Variants in CDH4 observed in about 807,000 individuals in gnomAD.
The protein encoded by CDH4 is cadherin-4.
CDH4 carries 33 observed loss-of-function variants against 86.0 expected under a neutral mutation model. That is an observed-to-expected ratio of 0.38 (90% CI 0.29 to 0.51). The LOEUF (loss-of-function observed/expected upper bound fraction) is 0.51, where lower values mean the gene tolerates loss of function less well. CDH4 is among the 20% of genes least tolerant of loss of function. CDH4 has a pLI of 0.86. For synonymous variants in CDH4, 555 were observed against 549.4 expected (o/e 1.01, Z -0.14); for missense variants, 1,114 against 1,307.4 (o/e 0.85, Z 2.28).
intron 2 of CDH4, among the ~76,000 whole-genome samples, chr20:61,612,603 A>G (rs1325683096): frequency 6.6e-6 from 1 of 152,114 alleles, no homozygotes; most frequent in Non-Finnish European, 1.5e-5. Flanking sequence ...TGTTAAGACC[A>G]TCCTTCCTGC....
intron 2 of CDH4, among the ~76,000 whole-genome samples, chr20:61,505,744 C>T (rs1241498224): frequency 6.6e-6 from 1 of 151,530 alleles, no homozygotes; most frequent in African/African-American, 2.4e-5. Context: ...AGAATTGGCA[C>T]ATGAGAGTCT....
intron 2 of CDH4, among the ~76,000 whole-genome samples, chr20:61,645,908 G>A (rs1174136102): frequency 1.3e-5 from 2 of 152,184 alleles, no homozygotes; most frequent in African/African-American, 4.8e-5. Flanking sequence ...TAAGGTGGAG[G>A]GAAAGATAGC....
At chr20:61,288,985 T>A (rs1037715467) in intron 2 of CDH4, among the ~76,000 whole-genome samples, 10 of 152,174 alleles carry the variant, frequency 6.6e-5, no homozygotes, top group African/African-American at 2.2e-4. Context: ...AAAAAAATGT[T>A]TTTAAGCTAG....
intron 6 of CDH4, among the ~76,000 whole-genome samples, chr20:61,870,201 G>A (rs555651731): frequency 2.4e-4 from 37 of 152,296 alleles, no homozygotes; most frequent in Admixed American, 1.3e-3. Context: ...CTGCTCCACC[G>A]CTGTCCGATG....
At chr20:61,418,978 G>T (rs895744444) in intron 2 of CDH4, among the ~76,000 whole-genome samples, 2 of 152,152 alleles carry the variant, frequency 1.3e-5, no homozygotes, top group African/African-American at 4.8e-5. Context: ...GACTTCTCTT[G>T]TCATTGGATT....
At chr20:61,565,204 C>CGCGGTGCTCTTGGTGGTGGTG (rs2086266866) in intron 2 of CDH4, among the ~76,000 whole-genome samples, 1 of 50,284 alleles carries the variant, frequency 2.0e-5, no homozygotes, top group Non-Finnish European at 3.6e-5. Flanking sequence ...TGGTGGTGGT[C>CGCGGTGCTCTTGGTGGTGGTG]GCGGTGCTCT....
At chr20:61,806,198 C>T (rs1366562282) in intron 4 of CDH4, among the ~76,000 whole-genome samples, 1 of 152,250 alleles carries the variant, frequency 6.6e-6, no homozygotes, top group African/African-American at 2.4e-5. Context: ...CAAAAGGACC[C>T]TTGCGTCTTC....
At position 61,565,224 on chromosome 20, in the gene CDH4, G is replaced by GGTGA. The variant is rs1568688507; in HGVS notation, c.170-178339_170-178338insGTGA. On this transcript the variant is annotated intron_variant, in intron 2 of 15. Coordinates refer to ENST00000614565, the MANE Select transcript of CDH4 (RefSeq NM_001794.5). ...GTGGTCGCGGTGCTCTCGGTGGTAG[G>GGTGA]TGGTGGTGGTGGTGGTGGCGGTGCT... Among the ~76,000 whole-genome samples the GGTGA allele has an allele frequency of 1.4e-4, 6 of 44,338 alleles. 1 individual carries two copies. The highest frequency in any genetic ancestry group is 2.4e-4 in the Non-Finnish European group (5 of 20,484). 29.1% of individuals were successfully genotyped at this position (44,338 alleles called of 152,430 possible).
intron 2 of CDH4, among the ~76,000 whole-genome samples, chr20:61,276,155 G>A (rs188803572): frequency 2.0e-5 from 3 of 152,308 alleles, no homozygotes; most frequent in Admixed American, 6.5e-5. Context: ...AAAACTCACA[G>A]TGCCTGTCTT....
intron 2 of CDH4, among the ~76,000 whole-genome samples, chr20:61,737,257 GC>G (rs1324878975): frequency 6.6e-6 from 1 of 152,112 alleles, no homozygotes; most frequent in African/African-American, 2.4e-5. Flanking sequence ...GAAAACATGG[GC>G]TTTAAAATTA....
chr20:61,829,715 C>T lies in CDH4; in HGVS notation c.577-14953C>T, dbSNP rs1049184493. Among the ~76,000 whole-genome samples, 8 of 152,194 alleles carry T rather than the reference C, an allele frequency of 5.3e-5. No individual in the cohort carries two copies. Among genetic ancestry groups the T allele is most frequent in the Admixed American group, 6.5e-5 (1 of 15,286 alleles). On this transcript the variant is annotated intron_variant, in intron 4 of 15. Transcript: ENST00000614565. The surrounding 1 kb of genome is among the most constrained non-coding windows in gnomAD (Gnocchi z 4.2). ...CCCCAGGAGGCTCCCTCTGTGCCGA[C>T]GCCCGTGGGCTGCAGACGGGTGGGT... is the stretch of plus-strand genomic sequence containing the variant.
At chr20:61,600,180 C>T (rs139350579) in intron 2 of CDH4, among the ~76,000 whole-genome samples, 2 of 152,372 alleles carry the variant, frequency 1.3e-5, no homozygotes, top group East Asian at 1.9e-4. Flanking sequence ...GGCGGTGAGG[C>T]CGCTGCTGCA....
chr20:61,476,387 A>C (rs1262502979), intron 2 of CDH4, among the ~76,000 whole-genome samples: 1 of 152,164 alleles, frequency 6.6e-6, no homozygotes, highest in African/African-American at 2.4e-5. Flanking sequence ...GTGTGTGTGC[A>C]CGTGTGTGTG....
intron 2 of CDH4, among the ~76,000 whole-genome samples, chr20:61,616,126 C>T (rs891963850): frequency 4.6e-5 from 7 of 152,224 alleles, no homozygotes; most frequent in African/African-American, 1.7e-4. Flanking sequence ...ATCAGAAGCT[C>T]AGGGGCACAG....
intron 2 of CDH4, among the ~76,000 whole-genome samples, chr20:61,388,255 C>T (rs1278679247): frequency 2.8e-5 from 4 of 143,870 alleles, no homozygotes; most frequent in Non-Finnish European, 6.1e-5. Context: ...GAAGCTTGAG[C>T]TGTCGGAGTG....
At position 61,714,047 on chromosome 20, in the gene CDH4, T is replaced by TG. The variant is rs2087924430; in HGVS notation, c.170-29516_170-29515insG. On this transcript the variant is annotated intron_variant, in intron 2 of 15. Transcript: ENST00000614565. ...TTTTATTTTATTTTATTTTATTTTA[T>TG]TTTATTTTATTTTATTTGAGATGGA... Among the ~76,000 whole-genome samples, 3 of 149,916 alleles carry TG rather than the reference T, an allele frequency of 2.0e-5. No homozygotes were observed. The Admixed American group carries it at 2.0e-4, about 10-fold the overall frequency.
At chr20:61,402,186 A>G (rs2085053276) in intron 2 of CDH4, among the ~76,000 whole-genome samples, 1 of 152,216 alleles carries the variant, frequency 6.6e-6, no homozygotes, top group African/African-American at 2.4e-5. Flanking sequence ...TCCCCAGGAT[A>G]CCAAAATCCA....
intron 2 of CDH4, among the ~76,000 whole-genome samples, chr20:61,256,613 T>TG (rs1435959731): frequency 6.6e-6 from 1 of 152,168 alleles, no homozygotes; most frequent in Non-Finnish European, 1.5e-5. Context: ...GTTCGCCTCG[T>TG]GGGGGGCCAA....
intron 4 of CDH4, among the ~76,000 whole-genome samples, chr20:61,790,170 G>A (rs114671496): frequency 0.055 from 8,245 of 149,554 alleles, 713 homozygotes; most frequent in African/African-American, 0.19. Flanking sequence ...CTACCCATCC[G>A]TCATCCATTC....
Sources: allele counts gnomAD v4.1 joint callset (sites outside exome capture counted in the v4.1 genomes callset), GRCh38; gene constraint gnomAD v4.1.1; non-coding constraint Gnocchi (gnomAD v3.1); transcripts MANE v1.5; gene names NCBI Gene and HGNC (gene_info 2026-07-23, HGNC 2026-07-21).